The following SERPINI2 variants were observed in gnomAD, a reference collection of about 807,000 sequenced individuals.
SERPINI2 encodes serpin I2.
SERPINI2 carries 48 observed loss-of-function variants against 47.3 expected under a neutral mutation model. The observed-to-expected ratio is 1.02, with a 90% CI of 0.81 to 1.29. The LOEUF (loss-of-function observed/expected upper bound fraction) is 1.29. SERPINI2 is among the 50% of genes most tolerant of loss of function. The pLI is 0.00. For synonymous variants in SERPINI2, 135 were observed against 149.3 expected, an observed-to-expected ratio of 0.90 and a Z score of 0.70; for missense variants, 448 against 456.9, an observed-to-expected ratio of 0.98 and a Z score of 0.18.
chr3:167,456,708 T>C (rs1749804637), intron 5 of SERPINI2, among the ~76,000 whole-genome samples: 1 of 152,210 alleles, frequency 6.6e-6, no homozygotes, highest in Non-Finnish European at 1.5e-5. Context: ...GGTATTTACC[T>C]GTCTCCATCT....
intron 5 of SERPINI2, among the ~76,000 whole-genome samples, chr3:167,463,441 T>G (rs555879244): frequency 6.6e-6 from 1 of 152,000 alleles, no homozygotes; most frequent in African/African-American, 2.4e-5. Flanking sequence ...AGGAGGAAAA[T>G]TCTGAAGATG....
At chr3:167,447,191 T>A (rs1055025228) in intron 7 of SERPINI2, among the ~76,000 whole-genome samples, 5 of 152,192 alleles carry the variant, frequency 3.3e-5, no homozygotes, top group African/African-American at 1.2e-4. Context: ...TTTGTACTGT[T>A]ATTTTCAGAC....
intron 5 of SERPINI2, among the ~76,000 whole-genome samples, chr3:167,459,909 A>G (rs558492200): frequency 6.6e-6 from 1 of 152,336 alleles, no homozygotes; most frequent in South Asian, 2.1e-4. Flanking sequence ...AGAACACCAC[A>G]CGAAGACAGA....
chr3:167,471,993 A>G (rs552645401), intron 1 of SERPINI2, 149 bp from the exon 2 acceptor site: 1 of 580,134 alleles, frequency 1.7e-6, no homozygotes, highest in East Asian at 2.7e-5. Flanking sequence ...TCTAAGTATC[A>G]TCTATTCAGA....
intron 2 of SERPINI2, 78 bp from the exon 3 acceptor site, chr3:167,467,363 C>G: frequency 1.3e-5 from 13 of 978,014 alleles, no homozygotes; most frequent in Non-Finnish European, 1.8e-5. Context: ...TATCTAAGTA[C>G]TCTGATTCAT....
chr3:167,465,310 T>A, exon 5 of SERPINI2: 1 of 1,613,330 alleles, frequency 6.2e-7, no homozygotes. Flanking sequence ...CCATACCTTC[T>A]GCAGGAAGTA....
upstream of SERPINI2, among the ~76,000 whole-genome samples, chr3:167,474,329 G>C (rs10936539): frequency 0.12 from 18,832 of 151,664 alleles, 1,526 homozygotes; most frequent in East Asian, 0.42. Context: ...ATGCGCTACT[G>C]GTTGTAAATT....
At chr3:167,443,251 G>C (rs931809730) in intron 8 of SERPINI2, among the ~76,000 whole-genome samples, 29 of 152,196 alleles carry the variant, frequency 1.9e-4, no homozygotes, top group Non-Finnish European at 4.4e-5. Flanking sequence ...GGGACTATAG[G>C]TGCCCGCCAC....
intron 5 of SERPINI2, among the ~76,000 whole-genome samples, chr3:167,459,680 G>GTTTT (rs1560233791): frequency 1.3e-5 from 1 of 75,748 alleles, no homozygotes; most frequent in Non-Finnish European, 3.0e-5. Context: ...TCTTATGGGT[G>GTTTT]GTTTTTTTTT....
At chr3:167,471,415 GAATT>G (rs1237175162) in intron 2 of SERPINI2, among the ~76,000 whole-genome samples, 169 bp downstream of exon 2, 1 of 151,684 alleles carries the variant, frequency 6.6e-6, no homozygotes, top group Non-Finnish European at 1.5e-5. Context: ...CCTTTTAAAG[GAATT>G]AATTATAAAT....
chr3:167,470,754 C>T (rs897350932), intron 2 of SERPINI2, among the ~76,000 whole-genome samples: 3 of 151,684 alleles, frequency 2.0e-5, no homozygotes, highest in Admixed American at 6.6e-5. Context: ...AGCCTGGTCT[C>T]GAACTCCTGA....
chr3:167,465,388 A>C (rs777190657), exon 5 of SERPINI2: 1 of 1,602,514 alleles, frequency 6.2e-7, no homozygotes, highest in South Asian at 1.1e-5. Context: ...GGGAAGATTC[A>C]GAAAAATAAC....
Position 167,454,474 on chromosome 3 carries a change from G to A in SERPINI2, c.867-1441C>T, listed in dbSNP as rs948769332. 2.6e-5 allele frequency among the ~76,000 whole-genome samples: 4 copies of A among 152,120 alleles called. No homozygotes were observed. The East Asian group carries it at 7.7e-4, about 29-fold the overall frequency. ...AAGAAAGATAATATGCAGCATGATGGTTTGGGAGGTTGGCTTTTTTCCTGT... is the reference window on the plus strand; with the variant it reads ...AAGAAAGATAATATGCAGCATGATGATTTGGGAGGTTGGCTTTTTTCCTGT... On this transcript the variant is annotated intron_variant, in intron 5 of 8. Coordinates refer to ENST00000264677, the Ensembl canonical transcript of SERPINI2.
chr3:167,445,150 A>C (rs985681983), intron 8 of SERPINI2, among the ~76,000 whole-genome samples: 3 of 152,180 alleles, frequency 2.0e-5, no homozygotes, highest in African/African-American at 4.8e-5. Flanking sequence ...TGTTTTTAAG[A>C]TATGACTTTC....
At chr3:167,449,627 G>C (rs988438652) in intron 6 of SERPINI2, among the ~76,000 whole-genome samples, 2 of 152,052 alleles carry the variant, frequency 1.3e-5, no homozygotes, top group Non-Finnish European at 2.9e-5. Context: ...CCAAGTAGTT[G>C]GGATTATAGG....
chr3:167,464,046 C>A (rs1750062991), intron 5 of SERPINI2, among the ~76,000 whole-genome samples: 1 of 131,576 alleles, frequency 7.6e-6, no homozygotes, highest in South Asian at 2.6e-4. Flanking sequence ...CTGGGTCTCA[C>A]CCTGTTGCCA....
At chr3:167,442,177 G>A (rs751392943) in exon 9 of SERPINI2, 43 of 1,579,870 alleles carry the variant, frequency 2.7e-5, no homozygotes, top group Non-Finnish European at 3.7e-5. Context: ...CCCATAAACA[G>A]AATTGATTCT....
intron 6 of SERPINI2, among the ~76,000 whole-genome samples, chr3:167,451,416 A>G (rs897396677): frequency 3.3e-5 from 5 of 152,232 alleles, no homozygotes; most frequent in South Asian, 2.1e-4. Flanking sequence ...GCTTCATAGT[A>G]GCCTTTAGTG....
chr3:167,465,361 T>A (rs1750102641), exon 5 of SERPINI2: 1 of 1,608,802 alleles, frequency 6.2e-7, no homozygotes, highest in African/African-American at 1.3e-5. Flanking sequence ...AAGACAATTC[T>A]AAAACTTGGT....
Sources: allele counts gnomAD v4.1 joint callset (sites outside exome capture counted in the v4.1 genomes callset), GRCh38; gene constraint gnomAD v4.1.1; transcripts MANE v1.5; gene names NCBI Gene and HGNC (gene_info 2026-07-23, HGNC 2026-07-21).